SOX5: variants seen among roughly 807,000 people sequenced by gnomAD.
SOX5 encodes SRY-box transcription factor 5.
In SOX5, 9 loss-of-function variants were observed where a neutral mutation model predicts 92.0. The observed-to-expected ratio is 0.10, with a 90% CI of 0.06 to 0.17. The LOEUF (loss-of-function observed/expected upper bound fraction) is 0.17. Ranked by LOEUF, SOX5 falls within the 10% of genes least tolerant of loss-of-function variation. The probability of loss-of-function intolerance (pLI) is 1.00; values close to 1 mark genes in which losing one functional copy is unlikely to be tolerated. For missense variants in SOX5, 642 were observed against 944.5 expected (o/e 0.68, Z 4.20); for synonymous variants, 344 against 336.3 (o/e 1.02, Z -0.25).
chr12:23,611,751 A>G (rs556973126), intron 8 of SOX5, among the ~76,000 whole-genome samples: 2 of 152,166 alleles, frequency 1.3e-5, no homozygotes, highest in Non-Finnish European at 2.9e-5. Flanking sequence ...GGCATGGATT[A>G]GGAGATGGAG....
rs193079820 is a variant in SOX5, at chr12:24,522,652, G to A, written c.-251+39677C>T. 8.8e-4 allele frequency among the ~76,000 whole-genome samples: 134 copies of A among 152,220 alleles called. 1 individual carries two copies. The highest frequency in any genetic ancestry group is 2.7e-3 in the Admixed American group (41 of 15,298). On this transcript the variant is annotated intron_variant, in intron 1 of 4. Coordinates refer to the SOX5 transcript ENST00000446891. ...AACAAATTAATGTGATACACACATT[G>A]CAGAATGAATAAAAATCACATGAGC...
At chr12:23,654,208 C>T (rs1424342168) in intron 7 of SOX5, among the ~76,000 whole-genome samples, 1 of 151,860 alleles carries the variant, frequency 6.6e-6, no homozygotes, top group Non-Finnish European at 1.5e-5. Flanking sequence ...GAAATCAGGA[C>T]CCAGAGAAGG....
intron 2 of SOX5, among the ~76,000 whole-genome samples, chr12:24,293,290 T>C (rs1946822551): frequency 6.6e-6 from 1 of 152,234 alleles, no homozygotes; most frequent in South Asian, 2.1e-4. Flanking sequence ...CATTGCTAGT[T>C]CTCAACAGTG....
intron 3 of SOX5, among the ~76,000 whole-genome samples, chr12:23,804,033 A>G (rs1348206498): frequency 6.6e-6 from 1 of 152,198 alleles, no homozygotes; most frequent in African/African-American, 2.4e-5. Context: ...TTATCCATTT[A>G]AAAATAATTA....
chr12:24,505,353 G>C (rs556186147), intron 1 of SOX5, among the ~76,000 whole-genome samples: 2 of 152,192 alleles, frequency 1.3e-5, no homozygotes, highest in Non-Finnish European at 2.9e-5. Context: ...TGGAGAAAAC[G>C]ATCAATGTAA....
rs1409421908 is a variant in SOX5 at position 23,982,679 on chromosome 12, A to C, written c.-1-86655T>G. 2.0e-5 allele frequency among the ~76,000 whole-genome samples: 3 copies of C among 152,112 alleles called. No individual in the cohort carries two copies. The East Asian group carries it at 5.8e-4, about 29-fold the overall frequency. On this transcript the variant is annotated intron_variant, in intron 4 of 4. Transcript: ENST00000446891. ...AGAAATAGATACACAAATCACATAT[A>C]TATTATGTTTGTGTTTTCTAAGTAG...
At chr12:24,314,824 A>T (rs902443075) in intron 2 of SOX5, among the ~76,000 whole-genome samples, 11 of 152,178 alleles carry the variant, frequency 7.2e-5, no homozygotes, top group Admixed American at 7.2e-4. Flanking sequence ...GAAGGCAGGG[A>T]TGTCTCTTTG....
chr12:24,441,001 C>G (rs964122907), intron 1 of SOX5, among the ~76,000 whole-genome samples: 1 of 152,174 alleles, frequency 6.6e-6, no homozygotes, highest in Non-Finnish European at 1.5e-5. Flanking sequence ...TCTCCTCTTA[C>G]CAAATAATCA....
At chr12:23,608,108 GAAAAAAGAAAAAAAA>G (rs2075479797) in intron 8 of SOX5, among the ~76,000 whole-genome samples, 3 of 5,676 alleles carry the variant, frequency 5.3e-4, no homozygotes, top group African/African-American at 7.7e-4. Flanking sequence ...TGTCTCAAAA[GAAAAAAGAAAAAAAA>G]AAAAAAAAAA....
intron 3 of SOX5, among the ~76,000 whole-genome samples, chr12:24,219,627 A>AC (rs1959914659): frequency 6.6e-6 from 1 of 152,140 alleles, no homozygotes; most frequent in African/African-American, 2.4e-5. Flanking sequence ...ATATGATTAA[A>AC]CAGCCTCAAT....
At chr12:23,678,685 A>C (rs1289043476) in intron 6 of SOX5, among the ~76,000 whole-genome samples, 1 of 152,038 alleles carries the variant, frequency 6.6e-6, no homozygotes, top group Non-Finnish European at 1.5e-5. Context: ...TACTCTTTGA[A>C]ACTCACAAAA....
intron 4 of SOX5, among the ~76,000 whole-genome samples, chr12:24,125,814 G>A (rs920309057): frequency 2.6e-5 from 4 of 152,120 alleles, no homozygotes. Flanking sequence ...TTCTTTTGGG[G>A]ATATTTTTCT....
chr12:23,926,638 A>G (rs972620628), intron 1 of SOX5, among the ~76,000 whole-genome samples: 6 of 152,098 alleles, frequency 3.9e-5, no homozygotes, highest in African/African-American at 1.4e-4. Context: ...CCTGATAGCA[A>G]TTCATTTCTT....
intron 4 of SOX5, among the ~76,000 whole-genome samples, chr12:23,997,076 C>G (rs1255306484): frequency 2.0e-5 from 3 of 151,986 alleles, no homozygotes; most frequent in Non-Finnish European, 2.9e-5. Context: ...CAAAAACTGT[C>G]AAAAACAACC....
chr12:24,068,704 G>GTA (rs1164844032), intron 4 of SOX5, among the ~76,000 whole-genome samples: 24 of 74,306 alleles, frequency 3.2e-4, no homozygotes, highest in African/African-American at 1.0e-3. Context: ...GTGTGTGTGT[G>GTA]TATATATATA....
At chr12:23,879,798 CT>C (rs1294098988) in intron 2 of SOX5, among the ~76,000 whole-genome samples, 1 of 152,154 alleles carries the variant, frequency 6.6e-6, no homozygotes, top group African/African-American at 2.4e-5. Context: ...ATCCAGGGCA[CT>C]GGAGAACTGA....
chr12:24,372,963 A>AAC (rs1442113151), intron 1 of SOX5, among the ~76,000 whole-genome samples: 2 of 151,608 alleles, frequency 1.3e-5, no homozygotes, highest in Non-Finnish European at 2.9e-5. Context: ...AAAAAAAAAA[A>AAC]AAAAAACTGC....
intron 3 of SOX5, among the ~76,000 whole-genome samples, chr12:24,263,312 G>A (rs1942458565): frequency 6.6e-6 from 1 of 151,910 alleles, no homozygotes; most frequent in Non-Finnish European, 1.5e-5. Context: ...TGGATCATGA[G>A]GTCAGGAGAT....
chr12:23,736,220 G>A (rs11047071), intron 5 of SOX5, among the ~76,000 whole-genome samples: 23 of 151,906 alleles, frequency 1.5e-4, no homozygotes, highest in Non-Finnish European at 2.9e-4. Context: ...TCAGCATTTC[G>A]GGAGGCTGAG....
Sources: gnomAD v4.1 joint callset for allele counts (sites outside exome capture counted in the v4.1 genomes callset) on GRCh38, gnomAD v4.1.1 for gene constraint, MANE v1.5 for transcripts, NCBI Gene and HGNC (gene_info 2026-07-23, HGNC 2026-07-21) for gene names.